Variants in RASGEF1A observed in about 807,000 individuals in gnomAD.
RASGEF1A encodes ras-GEF domain-containing family member 1A.
RASGEF1A carries 18 observed loss-of-function variants against 56.4 expected under a neutral mutation model. The observed-to-expected ratio is 0.32, with a 90% CI of 0.22 to 0.47. The LOEUF (loss-of-function observed/expected upper bound fraction) is 0.47. RASGEF1A is among the 20% of genes least tolerant of loss of function. The probability of loss-of-function intolerance (pLI) is 1.00; values close to 1 mark genes in which losing one functional copy is unlikely to be tolerated. For synonymous variants in RASGEF1A, 245 were observed against 242.6 expected, an observed-to-expected ratio of 1.01 and a Z score of -0.09; for missense variants, 422 against 627.1, an observed-to-expected ratio of 0.67 and a Z score of 3.49.
intron 1 of RASGEF1A, among the ~76,000 whole-genome samples, chr10:43,238,111 T>C (rs955108914): frequency 8.6e-5 from 12 of 139,030 alleles, no homozygotes; most frequent in Non-Finnish European, 1.7e-4. Context: ...GGAGGGGGGG[T>C]GCTGCAGATT....
At chr10:43,231,057 T>C (rs979132403) in intron 1 of RASGEF1A, among the ~76,000 whole-genome samples, 36 of 152,248 alleles carry the variant, frequency 2.4e-4, no homozygotes, top group African/African-American at 8.2e-4. Flanking sequence ...CTGCGTGGTA[T>C]GCAGCGCCTG....
intron 1 of RASGEF1A, among the ~76,000 whole-genome samples, chr10:43,211,642 C>T (rs1313468661): frequency 6.6e-6 from 1 of 152,200 alleles, no homozygotes; most frequent in African/African-American, 2.4e-5. Context: ...TCGTGGGGTC[C>T]TGCTGCTGTC....
At chr10:43,250,119 A>G (rs1472401547) in intron 1 of RASGEF1A, among the ~76,000 whole-genome samples, 1 of 152,184 alleles carries the variant, frequency 6.6e-6, no homozygotes. Flanking sequence ...GGTGAATGCC[A>G]TGCACCTGAA....
chr10:43,213,793 A>T (rs931115858), intron 1 of RASGEF1A, among the ~76,000 whole-genome samples: 1 of 150,376 alleles, frequency 6.6e-6, no homozygotes, highest in Non-Finnish European at 1.5e-5. Context: ...TGCCCAGCTA[A>T]TGTTTGTATT....
In RASGEF1A at chr10:43,260,123, C is replaced by T. The variant is rs1002517137; in HGVS notation, c.-7+6722G>A. Among the ~76,000 whole-genome samples the T allele has an allele frequency of 7.2e-5, 11 of 152,306 alleles. No individual in the cohort carries two copies. The East Asian group carries it at 9.7e-4, about 13-fold the overall frequency. ...CACATTAAGTCACATGTCAGTGAAA[C>T]GCCCAGCAGAGCCCTTGGACAGTAG... On this transcript the variant is annotated intron_variant, in intron 1 of 12. Coordinates refer to ENST00000395810, the MANE Select transcript of RASGEF1A (RefSeq NM_145313.4).
chr10:43,255,749 G>A (rs1054391321), intron 1 of RASGEF1A, among the ~76,000 whole-genome samples: 2 of 152,110 alleles, frequency 1.3e-5, no homozygotes, highest in African/African-American at 2.4e-5. Context: ...CAGGGCTGGG[G>A]GTGCTGGGGT....
chr10:43,233,002 C>A (rs1218916567), intron 1 of RASGEF1A, among the ~76,000 whole-genome samples: 1 of 152,024 alleles, frequency 6.6e-6, no homozygotes, highest in African/African-American at 2.4e-5. Flanking sequence ...CCTCGACAGG[C>A]CCTGCCCACC....
rs536984637 is a variant in RASGEF1A at position 43,259,508 on chromosome 10, T to C, written c.-7+7337A>G. Among the ~76,000 whole-genome samples the C allele has an allele frequency of 9.8e-5, 15 of 152,292 alleles. 3 individuals are homozygous for C. The South Asian group carries it at 2.9e-3, about 29-fold the overall frequency. ...GTCAGTTGACACTCCGGAGTCCCCA[T>C]GGAATCAGGCTAGACTTCCGCTACA... On this transcript the variant is annotated intron_variant, in intron 1 of 12. Coordinates refer to ENST00000395810, the MANE Select transcript of RASGEF1A (RefSeq NM_145313.4).
chr10:43,201,016 C>T (rs1839888572), intron 4 of RASGEF1A, 128 bp from the exon 5 acceptor site: 1 of 814,096 alleles, frequency 1.2e-6, no homozygotes, highest in Non-Finnish European at 2.0e-6. Context: ...CTATCTAAAC[C>T]GCAGCCTTCA....
chr10:43,211,291 C>T (rs1246794801), intron 1 of RASGEF1A, among the ~76,000 whole-genome samples: 1 of 152,192 alleles, frequency 6.6e-6, no homozygotes, highest in Non-Finnish European at 1.5e-5. Flanking sequence ...TTACTTGGCT[C>T]TCTGGGGGCA....
intron 6 of RASGEF1A, 149 bp from the exon 7 acceptor site, chr10:43,199,917 G>C: frequency 2.7e-6 from 2 of 750,872 alleles, no homozygotes; most frequent in South Asian, 3.3e-5. Context: ...CCCAGTGCAG[G>C]GCTGGCAGGC....
chr10:43,205,464 T>C (rs1354198218), intron 2 of RASGEF1A, among the ~76,000 whole-genome samples: 1 of 152,106 alleles, frequency 6.6e-6, no homozygotes, highest in Non-Finnish European at 1.5e-5. Context: ...GGCCATCTCC[T>C]CTTCATTCTG....
chr10:43,231,503 T>C (rs1840366746), intron 1 of RASGEF1A, among the ~76,000 whole-genome samples: 1 of 151,938 alleles, frequency 6.6e-6, no homozygotes, highest in South Asian at 2.1e-4. Flanking sequence ...CTAGAGGAGG[T>C]GGTGGATGGG....
intron 1 of RASGEF1A, among the ~76,000 whole-genome samples, chr10:43,258,368 C>G (rs1356680046): frequency 6.6e-6 from 1 of 152,176 alleles, no homozygotes; most frequent in Non-Finnish European, 1.5e-5. Flanking sequence ...GTCGCCCCTC[C>G]TAATATGGCA....
intron 1 of RASGEF1A, among the ~76,000 whole-genome samples, chr10:43,242,082 G>A (rs1840508362): frequency 1.3e-5 from 2 of 152,150 alleles, no homozygotes; most frequent in South Asian, 4.1e-4. Context: ...AGCTTGCAGT[G>A]AGCCAAGACT....
chr10:43,202,656 A>AC, intron 3 of RASGEF1A: 2 of 197,298 alleles, frequency 1.0e-5, no homozygotes, highest in Non-Finnish European at 2.1e-5. Context: ...CGGCCCCCGC[A>AC]CCACCCAGCC....
intron 3 of RASGEF1A, among the ~76,000 whole-genome samples, chr10:43,203,029 A>C (rs1588928930): frequency 1.0e-4 from 1 of 9,572 alleles, no homozygotes; most frequent in Non-Finnish European, 1.9e-4. Context: ...CCTGGACCCC[A>C]CCCTGCAGCC....
rs554977435 is a variant in RASGEF1A at position 43,254,427 on chromosome 10, T to G, written c.-7+12418A>C. On this transcript the variant is annotated intron_variant, in intron 1 of 12. Transcript: ENST00000395810. The stretch of plus-strand genomic sequence containing the variant: ...AACAGGCACCTATCCTTCAAGCTCC[T>G]TGGGCCTGGCCCAGACCTTCCAGCC... Among the ~76,000 whole-genome samples, 4 of 152,356 alleles carry G rather than the reference T, an allele frequency of 2.6e-5. 1 individual carries two copies. The South Asian group carries it at 8.3e-4, about 32-fold the overall frequency.
intron 1 of RASGEF1A, among the ~76,000 whole-genome samples, chr10:43,213,509 A>G (rs1840095151): frequency 6.6e-6 from 1 of 152,142 alleles, no homozygotes; most frequent in Non-Finnish European, 1.5e-5. Flanking sequence ...AAGAGGAGGG[A>G]CCCTATGTAG....
Sources: allele counts gnomAD v4.1 joint callset (sites outside exome capture counted in the v4.1 genomes callset), GRCh38; gene constraint gnomAD v4.1.1; transcripts MANE v1.5; gene names NCBI Gene and HGNC (gene_info 2026-07-23, HGNC 2026-07-21).